PARP11: variants seen among roughly 807,000 people sequenced by gnomAD.
PARP11 encodes the protein protein mono-ADP-ribosyltransferase PARP11.
PARP11 carries 31 observed loss-of-function variants against 42.9 expected under a neutral mutation model. The ratio of observed to expected loss-of-function variants is 0.72; its 90% CI spans 0.54 to 0.98. PARP11 has a LOEUF of 0.98. Among genes scored for constraint, PARP11 ranks in the 50% least tolerant of loss-of-function variants. The pLI, the probability that PARP11 is intolerant of heterozygous loss-of-function variation, is 0.00. For synonymous variants in PARP11, 137 were observed against 127.3 expected (o/e 1.08, Z -0.51); for missense variants, 365 against 413.1 (o/e 0.88, Z 1.01).
rs1947153026 is a variant in PARP11 at position 3,810,668 on chromosome 12, AAGGAAG to A, written c.*1449_*1454del. The A allele has an allele frequency of 6.8e-6, 1 of 147,356 alleles. No homozygotes were observed. The highest frequency in any genetic ancestry group is 2.6e-5 in the African/African-American group (1 of 39,046). The allele number at this position is 147,356 out of a possible 1,614,324, so 9.1% of individuals were successfully genotyped here. A position where few individuals can be genotyped will look rare whatever the true frequency, so the allele number is the denominator to read the frequency against. ...GAAAGAAGGAAGGAAGGAAGGAAGG[AAGGAAG>A]GAAGGAAGGAAAGAAAGAAGGAAGG... On this transcript the variant is annotated 3_prime_UTR_variant, in exon 8 of 8. Transcript: ENST00000228820.
At position 3,812,011 on chromosome 12, in the gene PARP11, ATC is replaced by A. The variant is rs1947188958; in HGVS notation, c.*110_*111del. 2 of 822,226 alleles carry A rather than the reference ATC, an allele frequency of 2.4e-6. No individual in the cohort carries two copies. The highest frequency in any genetic ancestry group is 1.9e-6 in the Non-Finnish European group (1 of 536,962). The allele number at this position is 822,226 out of a possible 1,614,324, so 50.9% of individuals were successfully genotyped here. ...TTATATGGAGGCCACTTTTTTTCAT[ATC>A]TGTTTCAAAAGTATCAGATAATTAA... On this transcript the variant is annotated 3_prime_UTR_variant, in exon 8 of 8. Transcript: ENST00000228820.
chr12:3,872,620 C>T (rs1948508810), intron 1 of PARP11: 2 of 985,170 alleles, frequency 2.0e-6, no homozygotes, highest in Middle Eastern at 5.2e-4. Context: ...AAGTTTTAAA[C>T]GACTGTCCAC....
At chr12:3,859,698 C>T (rs1418662458) in intron 1 of PARP11, among the ~76,000 whole-genome samples, 1 of 151,922 alleles carries the variant, frequency 6.6e-6, no homozygotes, top group African/African-American at 2.4e-5. Context: ...TATATGCTGT[C>T]CACAGAAATA....
In PARP11 at chr12:3,827,251, C is replaced by T. The variant is rs144093579; in HGVS notation, c.269-1018G>A. Among the ~76,000 whole-genome samples, 17 of 152,284 alleles carry T rather than the reference C, an allele frequency of 1.1e-4. No homozygotes were observed. The East Asian group carries it at 2.1e-3, about 19-fold the overall frequency. On this transcript the variant is annotated intron_variant, in intron 3 of 7. Coordinates refer to ENST00000228820, the MANE Select transcript of PARP11 (RefSeq NM_020367.6). ...AATGCTAATATCCATGCCTCTGAAACAGGATCATTACACAGAGGGTTGGGG... is the reference window on the plus strand; with the variant it reads ...AATGCTAATATCCATGCCTCTGAAATAGGATCATTACACAGAGGGTTGGGG...
chr12:3,843,708 T>C (rs974363560), intron 1 of PARP11, among the ~76,000 whole-genome samples: 1 of 152,252 alleles, frequency 6.6e-6, no homozygotes, highest in South Asian at 2.1e-4. Context: ...CCTTTGCATG[T>C]TGTACTCTGT....
rs1947162909 is a variant in PARP11, at chr12:3,810,821, G to A, written c.*1302C>T. On this transcript the variant is annotated 3_prime_UTR_variant, in exon 8 of 8. Transcript: ENST00000228820. ...AAGACAGAAGAGAAGAGAAAGAAGAGAAGAGAAAGAGGAGAGAAGAGAAGG... is the reference window on the plus strand; with the variant it reads ...AAGACAGAAGAGAAGAGAAAGAAGAAAAGAGAAAGAGGAGAGAAGAGAAGG... The A allele has an allele frequency of 6.6e-6, 1 of 151,990 alleles. No homozygotes were observed. Among genetic ancestry groups the A allele is most frequent in the Non-Finnish European group, 1.5e-5 (1 of 68,158 alleles). 9.4% of individuals were successfully genotyped at this position (151,990 alleles called of 1,614,324 possible). A position where few individuals can be genotyped will look rare whatever the true frequency, so the allele number is the denominator to read the frequency against.
intron 1 of PARP11, chr12:3,839,651 T>G (rs1947847149): frequency 1.4e-5 from 14 of 982,830 alleles, no homozygotes; most frequent in Non-Finnish European, 2.3e-5. Flanking sequence ...AGGAAAGATT[T>G]TATAACTAAT....
At chr12:3,862,638 G>C (rs1948316851) in intron 1 of PARP11, among the ~76,000 whole-genome samples, 1 of 150,332 alleles carries the variant, frequency 6.7e-6, no homozygotes, top group African/African-American at 2.4e-5. Flanking sequence ...GCAAAGTATG[G>C]AGTGACGTTC....
chr12:3,868,544 T>C (rs1948426733), intron 1 of PARP11, among the ~76,000 whole-genome samples: 1 of 152,228 alleles, frequency 6.6e-6, no homozygotes, highest in African/African-American at 2.4e-5. Context: ...CAAACTTTAC[T>C]ACCTGATGCT....
chr12:3,865,865 T>C (rs1948380346), intron 1 of PARP11, among the ~76,000 whole-genome samples: 1 of 151,194 alleles, frequency 6.6e-6, no homozygotes, highest in South Asian at 2.1e-4. Context: ...TATGGTTAGC[T>C]TTAAGTTTAC....
intron 1 of PARP11, among the ~76,000 whole-genome samples, chr12:3,864,935 T>A (rs1313684803): frequency 3.9e-5 from 6 of 152,180 alleles, no homozygotes; most frequent in Non-Finnish European, 8.8e-5. Context: ...CCTGTTTAAC[T>A]TCTTCTTTTT....
At position 3,840,040 on chromosome 12, in the gene PARP11, G is replaced by A. The variant is rs564227054; in HGVS notation, c.19-10022C>T. On this transcript the variant is annotated intron_variant, in intron 1 of 7. Transcript: ENST00000228820. This position sits in a 1 kb window ranked among gnomAD's most constrained non-coding sequence, Gnocchi z 4.4. ...TACTAGCCTGCCTTTGGCTAGAAAG[G>A]TTCTTAAGTCACTCAATCCTGCAGT... The A allele has an allele frequency of 2.9e-5, 47 of 1,609,312 alleles. No homozygotes were observed. In the East Asian group the frequency reaches 8.7e-4, roughly 30 times the overall value.
At chr12:3,816,138 C>G (rs749604600) in intron 6 of PARP11, among the ~76,000 whole-genome samples, 20 of 152,270 alleles carry the variant, frequency 1.3e-4, no homozygotes, top group South Asian at 4.1e-4. Flanking sequence ...ACTTTATGTT[C>G]TCACTTTTTT....
chr12:3,822,389 G>A (rs1013263290), intron 4 of PARP11, among the ~76,000 whole-genome samples: 1 of 148,780 alleles, frequency 6.7e-6, no homozygotes, highest in Non-Finnish European at 1.5e-5. Context: ...ACGAGGTCAG[G>A]AGATCGAGAC....
intron 7 of PARP11, among the ~76,000 whole-genome samples, chr12:3,813,183 C>T (rs1947218746): frequency 6.6e-6 from 1 of 152,142 alleles, no homozygotes. Flanking sequence ...TGTCAACATC[C>T]AGCAAAGCTC....
intron 6 of PARP11, among the ~76,000 whole-genome samples, chr12:3,819,229 T>C (rs1947347950): frequency 6.6e-6 from 1 of 152,154 alleles, no homozygotes. Flanking sequence ...GCCCTACCAT[T>C]CTATAATCTT....
intron 4 of PARP11, chr12:3,824,661 C>G (rs1216345748): frequency 1.0e-6 from 1 of 982,948 alleles, no homozygotes; most frequent in Non-Finnish European, 1.2e-6. Context: ...TGTCTTTGTT[C>G]TATGGTTTGT....
At chr12:3,822,207 C>A in intron 4 of PARP11, 50 bp from the exon 5 acceptor site, 1 of 1,366,918 alleles carries the variant, frequency 7.3e-7, no homozygotes. Flanking sequence ...ATTACAATTA[C>A]TGTCAAGAAC....
intron 7 of PARP11, 75 bp from the exon 8 acceptor site, chr12:3,812,514 A>G: frequency 9.6e-7 from 1 of 1,037,892 alleles, no homozygotes; most frequent in Non-Finnish European, 1.4e-6. Flanking sequence ...ACATTTTGTC[A>G]GGAGAATAGA....
Sources: allele counts gnomAD v4.1 joint callset (sites outside exome capture counted in the v4.1 genomes callset), GRCh38; gene constraint gnomAD v4.1.1; non-coding constraint Gnocchi (gnomAD v3.1); transcripts MANE v1.5; gene names NCBI Gene and HGNC (gene_info 2026-07-23, HGNC 2026-07-21).